The following CCSER1 variants were observed in gnomAD, a reference collection of about 807,000 sequenced individuals.
CCSER1 encodes the protein coiled-coil serine rich protein 1.
Under a neutral mutation model 82.0 loss-of-function variants are expected in CCSER1, and 41 were observed. That is an observed-to-expected ratio of 0.50 (90% confidence interval 0.39 to 0.65). The LOEUF is 0.65. CCSER1 is among the 30% of genes least tolerant of loss of function. The pLI, the probability that CCSER1 is intolerant of heterozygous loss-of-function variation, is 0.00. For synonymous variants in CCSER1, 414 were observed against 383.9 expected, an observed-to-expected ratio of 1.08 and a Z score of -0.92; for missense variants, 1,119 against 1,064.2, an observed-to-expected ratio of 1.05 and a Z score of -0.72.
At chr4:91,463,409 A>G (rs1387132452) in intron 10 of CCSER1, among the ~76,000 whole-genome samples, 1 of 152,198 alleles carries the variant, frequency 6.6e-6, no homozygotes, top group Admixed American at 6.5e-5. Flanking sequence ...GATGGGGAAA[A>G]AACAGAGCAA....
At chr4:90,284,809 A>G (rs1286355562) in intron 1 of CCSER1, among the ~76,000 whole-genome samples, 2 of 151,912 alleles carry the variant, frequency 1.3e-5, no homozygotes, top group Non-Finnish European at 2.9e-5. Context: ...TGATTTTTGT[A>G]TATGGAGAGA....
chr4:90,876,212 C>T (rs1178034466), intron 8 of CCSER1, among the ~76,000 whole-genome samples: 2 of 151,906 alleles, frequency 1.3e-5, no homozygotes, highest in East Asian at 1.9e-4. Context: ...TTCTTCACTC[C>T]AAAAGTCTTT....
chr4:90,785,554 C>T (rs1754389872), intron 7 of CCSER1, among the ~76,000 whole-genome samples: 1 of 152,120 alleles, frequency 6.6e-6, no homozygotes, highest in Non-Finnish European at 1.5e-5. Context: ...GCAAATCTCT[C>T]AATGTGACAA....
intron 4 of CCSER1, among the ~76,000 whole-genome samples, chr4:90,459,868 T>C (rs982552695): frequency 1.3e-5 from 2 of 152,208 alleles, no homozygotes; most frequent in African/African-American, 4.8e-5. Context: ...AGGACACTTT[T>C]TTGCCAGCCC....
At chr4:90,428,873 G>A (rs1757883674) in intron 4 of CCSER1, among the ~76,000 whole-genome samples, 2 of 151,790 alleles carry the variant, frequency 1.3e-5, no homozygotes, top group Admixed American at 1.3e-4. Flanking sequence ...ACAGCCAAGA[G>A]GAGCCTAAGG....
chr4:91,592,492 C>T (rs1310109627), intron 10 of CCSER1, among the ~76,000 whole-genome samples: 6 of 152,014 alleles, frequency 3.9e-5, no homozygotes, highest in African/African-American at 1.2e-4. Context: ...TGTATCTTAA[C>T]CTGCAGGTCT....
intron 8 of CCSER1, among the ~76,000 whole-genome samples, chr4:90,905,007 C>T (rs1409565363): frequency 6.6e-6 from 1 of 152,068 alleles, no homozygotes; most frequent in African/African-American, 2.4e-5. Context: ...AGAACAGAAA[C>T]TTGGGAGTTG....
intron 10 of CCSER1, among the ~76,000 whole-genome samples, chr4:91,523,130 A>G (rs913458675): frequency 6.6e-6 from 1 of 151,850 alleles, no homozygotes. Context: ...TATTGAGATA[A>G]TAATGTGGTT....
chr4:90,541,481 G>C (rs1776105920), intron 5 of CCSER1, among the ~76,000 whole-genome samples: 1 of 152,052 alleles, frequency 6.6e-6, no homozygotes. Flanking sequence ...TCTGGAGCAA[G>C]TTACTTAACA....
intron 10 of CCSER1, among the ~76,000 whole-genome samples, chr4:91,164,509 A>G (rs1731812526): frequency 6.6e-6 from 1 of 152,114 alleles, no homozygotes; most frequent in Non-Finnish European, 1.5e-5. Context: ...CTCCTGGATA[A>G]TATCCTGGAG....
intron 9 of CCSER1, among the ~76,000 whole-genome samples, chr4:90,942,352 T>C (rs1430249261): frequency 6.6e-6 from 1 of 152,182 alleles, no homozygotes; most frequent in Non-Finnish European, 1.5e-5. Flanking sequence ...AAAAAATATG[T>C]AAGCATATTA....
intron 10 of CCSER1, among the ~76,000 whole-genome samples, chr4:91,354,439 C>G (rs1043532782): frequency 6.6e-6 from 1 of 152,116 alleles, no homozygotes; most frequent in South Asian, 2.1e-4. Flanking sequence ...CCAGTATAAC[C>G]CTGTGGGGCC....
intron 4 of CCSER1, among the ~76,000 whole-genome samples, chr4:90,463,221 A>G (rs903196010): frequency 1.3e-5 from 2 of 152,232 alleles, no homozygotes; most frequent in Non-Finnish European, 2.9e-5. Flanking sequence ...TTTTCTTAGA[A>G]TAAAGAATCC....
chr4:90,623,119 C>A (rs1030827557), intron 5 of CCSER1, among the ~76,000 whole-genome samples: 1 of 151,806 alleles, frequency 6.6e-6, no homozygotes, highest in Non-Finnish European at 1.5e-5. Flanking sequence ...GCTTCGCCCC[C>A]CAGGTTCACG....
Position 90,379,467 on chromosome 4 carries a change from C to A in CCSER1, c.1510-20569C>A, listed in dbSNP as rs189869185. On this transcript the variant is annotated intron_variant, in intron 3 of 10. Transcript: ENST00000509176. ...TCGCGTCAGATAACAATGTGAGGCA[C>A]ACTTTCAGGAACTTGTCAAGGAGCT... Among the ~76,000 whole-genome samples the A allele has an allele frequency of 3.3e-5, 5 of 152,262 alleles. No homozygotes were observed. The East Asian group carries it at 9.6e-4, about 29-fold the overall frequency.
chr4:91,466,204 C>A (rs1193322880), intron 10 of CCSER1, among the ~76,000 whole-genome samples: 1 of 152,148 alleles, frequency 6.6e-6, no homozygotes, highest in Non-Finnish European at 1.5e-5. Context: ...TCAACATATG[C>A]AAATCAGTAA....
At chr4:90,941,854 C>T (rs1420445423) in intron 9 of CCSER1, among the ~76,000 whole-genome samples, 2 of 152,048 alleles carry the variant, frequency 1.3e-5, no homozygotes, top group Non-Finnish European at 2.9e-5. Flanking sequence ...GTATATATCC[C>T]TCATTGGGGG....
intron 5 of CCSER1, among the ~76,000 whole-genome samples, chr4:90,487,325 C>T (rs1441181015): frequency 6.6e-6 from 1 of 152,184 alleles, no homozygotes; most frequent in African/African-American, 2.4e-5. Context: ...TTTTAGTTGT[C>T]TGACTTAGAT....
intron 5 of CCSER1, among the ~76,000 whole-genome samples, chr4:90,558,584 C>T (rs910628306): frequency 6.6e-6 from 1 of 152,020 alleles, no homozygotes; most frequent in Non-Finnish European, 1.5e-5. Context: ...GCAGCACTAT[C>T]ATCATAAATA....
Sources: allele counts gnomAD v4.1 joint callset (sites outside exome capture counted in the v4.1 genomes callset), GRCh38; gene constraint gnomAD v4.1.1; transcripts MANE v1.5; gene names NCBI Gene and HGNC (gene_info 2026-07-23, HGNC 2026-07-21).